Variants in EPHB1 observed in about 807,000 individuals in gnomAD.
EPHB1 encodes ephrin type-B receptor 1.
A neutral mutation model predicts 94.4 loss-of-function variants in EPHB1; 30 were observed. That is an observed-to-expected ratio of 0.32 (90% CI 0.24 to 0.43). The LOEUF (loss-of-function observed/expected upper bound fraction) is 0.43. Ranked by LOEUF, EPHB1 falls within the 20% of genes least tolerant of loss-of-function variation. The pLI is 1.00. For missense variants in EPHB1, 1,055 were observed against 1,308.3 expected (o/e 0.81, Z 2.99); for synonymous variants, 522 against 489.1 (o/e 1.07, Z -0.89).
chr3:134,928,988 A>G (rs1412872454), intron 2 of EPHB1, among the ~76,000 whole-genome samples: 1 of 152,126 alleles, frequency 6.6e-6, no homozygotes, highest in African/African-American at 2.4e-5. Context: ...GGTTAAGTAT[A>G]CAGATGGTTT....
At chr3:134,893,186 T>C (rs149509702) in intron 1 of EPHB1, among the ~76,000 whole-genome samples, 9 of 152,296 alleles carry the variant, frequency 5.9e-5, no homozygotes, top group African/African-American at 2.2e-4. Context: ...GAATACAGAC[T>C]TAATTAGTTG....
intron 13 of EPHB1, among the ~76,000 whole-genome samples, chr3:135,243,430 C>T (rs985508270): frequency 6.6e-6 from 1 of 152,142 alleles, no homozygotes; most frequent in Non-Finnish European, 1.5e-5. Flanking sequence ...GGATATTTGA[C>T]GTTTGAGATG....
At chr3:134,930,151 G>A (rs2038877014) in intron 2 of EPHB1, among the ~76,000 whole-genome samples, 1 of 152,176 alleles carries the variant, frequency 6.6e-6, no homozygotes, top group African/African-American at 2.4e-5. Context: ...AGAGGCCAAG[G>A]GACTCTTCCT....
intron 3 of EPHB1, among the ~76,000 whole-genome samples, chr3:135,061,862 C>T (rs1187970701): frequency 6.6e-6 from 1 of 152,048 alleles, no homozygotes; most frequent in Non-Finnish European, 1.5e-5. Flanking sequence ...GTTTTTTGTC[C>T]TTGCGATAGT....
At chr3:134,941,744 T>TAC (rs1560307333) in intron 2 of EPHB1, among the ~76,000 whole-genome samples, 285 of 116,326 alleles carry the variant, frequency 2.5e-3, no homozygotes, top group South Asian at 3.5e-3. Context: ...GCTTTACATA[T>TAC]GCACACAGAC....
At chr3:135,162,271 T>G (rs2107698417) in intron 7 of EPHB1, 91 bp downstream of exon 7, 1 of 1,373,968 alleles carries the variant, frequency 7.3e-7, no homozygotes, top group South Asian at 1.5e-5. Context: ...CCAAAAATGC[T>G]GATCTCCAAC....
chr3:134,817,129 T>G (rs960166119), intron 1 of EPHB1, among the ~76,000 whole-genome samples: 2 of 152,026 alleles, frequency 1.3e-5, no homozygotes, highest in Non-Finnish European at 2.9e-5. Context: ...TATATGAATG[T>G]AGTTTTTTTT....
chr3:135,104,897 A>C (rs1422763799), intron 3 of EPHB1, among the ~76,000 whole-genome samples: 1 of 152,230 alleles, frequency 6.6e-6, no homozygotes, highest in Non-Finnish European at 1.5e-5. Flanking sequence ...CAGCATAGGA[A>C]ACAATTCTTT....
intron 3 of EPHB1, among the ~76,000 whole-genome samples, chr3:135,013,497 G>A (rs781670514): frequency 1.3e-5 from 2 of 152,192 alleles, no homozygotes; most frequent in Admixed American, 6.5e-5. Flanking sequence ...GAGAGTTAGC[G>A]GGTGATTTAG....
chr3:134,828,482 G>GCCTCAATCTATCA (rs1330520653), intron 1 of EPHB1, among the ~76,000 whole-genome samples: 3 of 152,112 alleles, frequency 2.0e-5, no homozygotes, highest in Admixed American at 2.0e-4. Flanking sequence ...TGAAAAATAT[G>GCCTCAATCTATCA]TGTTAATTCC....
chr3:134,994,572 C>T (rs1027833741), intron 3 of EPHB1, among the ~76,000 whole-genome samples: 1 of 152,204 alleles, frequency 6.6e-6, no homozygotes, highest in Non-Finnish European at 1.5e-5. Context: ...TCTCAGTATT[C>T]CTTGCATAGC....
intron 1 of EPHB1, among the ~76,000 whole-genome samples, chr3:134,832,879 T>C (rs1236373589): frequency 6.6e-6 from 1 of 152,222 alleles, no homozygotes; most frequent in Non-Finnish European, 1.5e-5. Flanking sequence ...AACGCTGCAA[T>C]TCAGTGTATT....
At chr3:135,130,809 C>T in intron 4 of EPHB1, among the ~76,000 whole-genome samples, 1 of 152,180 alleles carries the variant, frequency 6.6e-6, no homozygotes, top group Non-Finnish European at 1.5e-5. Flanking sequence ...ATAAAGCAAG[C>T]ACTCAGTGAA....
rs1933588142 is a variant in EPHB1 at position 135,260,321 on chromosome 3, T to G, written c.*1201T>G. On this transcript the variant is annotated 3_prime_UTR_variant, in exon 16 of 16. Coordinates refer to ENST00000398015, the MANE Select transcript of EPHB1 (RefSeq NM_004441.5). ...AAATGTGTCTGTGTTTCTCTTTACATTCCTTGTTGTACCTCATTGTTCAAT... is the reference window on the plus strand; with the variant it reads ...AAATGTGTCTGTGTTTCTCTTTACAGTCCTTGTTGTACCTCATTGTTCAAT... 1 of 232,694 alleles carries G rather than the reference T, an allele frequency of 4.3e-6. No homozygotes were observed. The highest frequency in any genetic ancestry group is 2.2e-5 in the African/African-American group (1 of 45,440). The allele number at this position is 232,694 out of a possible 1,614,324, so 14.4% of individuals were successfully genotyped here.
chr3:134,805,443 C>T (rs1360018953), intron 1 of EPHB1, among the ~76,000 whole-genome samples: 5 of 152,150 alleles, frequency 3.3e-5, no homozygotes, highest in Non-Finnish European at 7.4e-5. Flanking sequence ...TGGTTTAATC[C>T]TGGTCACACC....
At chr3:134,901,866 G>C (rs1361164008) in intron 1 of EPHB1, among the ~76,000 whole-genome samples, 2 of 152,228 alleles carry the variant, frequency 1.3e-5, no homozygotes, top group African/African-American at 4.8e-5. Context: ...CGCAGTACCT[G>C]TAACTACCTC....
intron 3 of EPHB1, among the ~76,000 whole-genome samples, chr3:135,054,907 T>C (rs907481141): frequency 1.4e-4 from 21 of 152,240 alleles, no homozygotes; most frequent in African/African-American, 5.1e-4. Flanking sequence ...ATACCACCTA[T>C]GCTTTCATTT....
At chr3:134,912,558 A>G (rs1428389038) in intron 1 of EPHB1, among the ~76,000 whole-genome samples, 1 of 152,182 alleles carries the variant, frequency 6.6e-6, no homozygotes, top group South Asian at 2.1e-4. Flanking sequence ...TTGCTGCTGG[A>G]TTGGCAGAAG....
chr3:135,102,302 T>C (rs1939060645), intron 3 of EPHB1, among the ~76,000 whole-genome samples: 1 of 152,238 alleles, frequency 6.6e-6, no homozygotes, highest in Non-Finnish European at 1.5e-5. Context: ...CTTTATATTC[T>C]CAAGTGACTG....
Sources: gnomAD v4.1 joint callset for allele counts (sites outside exome capture counted in the v4.1 genomes callset) on GRCh38, gnomAD v4.1.1 for gene constraint, MANE v1.5 for transcripts, NCBI Gene and HGNC (gene_info 2026-07-23, HGNC 2026-07-21) for gene names.